The following TMEM132C variants were observed in gnomAD, a reference collection of about 807,000 sequenced individuals.
TMEM132C encodes the protein protein phosphatase 1, regulatory subunit 152.
TMEM132C carries 29 observed loss-of-function variants against 61.4 expected under a neutral mutation model. The ratio of observed to expected loss-of-function variants is 0.47; its 90% confidence interval spans 0.35 to 0.64. The LOEUF (loss-of-function observed/expected upper bound fraction) is 0.64. Ranked by LOEUF, TMEM132C falls within the 30% of genes least tolerant of loss-of-function variation. The pLI is 0.00. For synonymous variants in TMEM132C, 656 were observed against 633.1 expected (o/e 1.04, Z -0.54); for missense variants, 1,408 against 1,476.9 (o/e 0.95, Z 0.76).
Position 128,420,226 on chromosome 12 carries a change from A to C in TMEM132C, c.974+4606A>C, listed in dbSNP as rs142762655. Among the ~76,000 whole-genome samples the C allele has an allele frequency of 4.8e-3, 731 of 152,230 alleles. 13 individuals carry two copies. The highest frequency in any genetic ancestry group is 0.038 in the Admixed American group (585 of 15,266). On this transcript the variant is annotated intron_variant, in intron 2 of 8. Coordinates refer to ENST00000435159, the MANE Select transcript of TMEM132C (RefSeq NM_001136103.3). ...AATGAAATAATATAATTACCAAGTA[A>C]ATACAATGGATAGTAATAAGTGGCT...
intron 3 of TMEM132C, among the ~76,000 whole-genome samples, chr12:128,605,109 TAAATG>T (rs1876374509): frequency 6.7e-6 from 1 of 149,984 alleles, no homozygotes. Context: ...AATAGACAGA[TAAATG>T]ATAGATAGAT....
At chr12:128,523,986 C>T (rs1593085356) in intron 2 of TMEM132C, among the ~76,000 whole-genome samples, 1 of 148,932 alleles carries the variant, frequency 6.7e-6, no homozygotes, top group Non-Finnish European at 1.5e-5. Context: ...GCACTCCAGC[C>T]TGGGCAACAG....
intron 2 of TMEM132C, among the ~76,000 whole-genome samples, chr12:128,444,293 G>A (rs573081497): frequency 9.2e-5 from 14 of 152,248 alleles, no homozygotes; most frequent in African/African-American, 2.6e-4. Context: ...TCTTTGCACC[G>A]TGGATTTGTG....
chr12:128,464,867 A>C (rs1283625466), intron 2 of TMEM132C, among the ~76,000 whole-genome samples: 1 of 152,174 alleles, frequency 6.6e-6, no homozygotes, highest in Admixed American at 6.5e-5. Flanking sequence ...CAGACCTGCA[A>C]GGCTGTGTGA....
chr12:128,523,608 GC>G (rs1329022249), intron 2 of TMEM132C, among the ~76,000 whole-genome samples: 2 of 152,062 alleles, frequency 1.3e-5, no homozygotes, highest in Non-Finnish European at 2.9e-5. Context: ...GTCACCAGCA[GC>G]ATAGACTCAC....
rs531159378 is a variant in TMEM132C, at chr12:128,379,970, C to T, written c.86-34762C>T. Among the ~76,000 whole-genome samples, 10 of 152,296 alleles carry T rather than the reference C, an allele frequency of 6.6e-5. No individual in the cohort carries two copies. The South Asian group carries it at 1.7e-3, about 25-fold the overall frequency. On this transcript the variant is annotated intron_variant, in intron 1 of 8. Coordinates refer to ENST00000435159, the MANE Select transcript of TMEM132C (RefSeq NM_001136103.3). ...TATGGGTGGAGATAGAGACACTAGC[C>T]GATCAAGCACTTGTCACAGTTCTGC...
At chr12:128,312,963 A>G (rs1297811544) in intron 1 of TMEM132C, among the ~76,000 whole-genome samples, 2 of 152,200 alleles carry the variant, frequency 1.3e-5, no homozygotes, top group Non-Finnish European at 2.9e-5. Context: ...GGGACTACCT[A>G]GGCTGCAGGG....
In TMEM132C at chr12:128,705,493, G is replaced by T. The variant is rs1346669785; in HGVS notation, c.2525G>T (p.Gly842Val). The T allele has an allele frequency of 1.3e-6, 2 of 1,551,054 alleles. No individual in the cohort carries two copies. The highest frequency in any genetic ancestry group is 2.0e-5 in the Admixed American group (1 of 51,000). Residue 842 changes from glycine to valine, a missense_variant, in exon 9 of 9, where the codon GGC becomes GTC. By Grantham distance (109) the Gly-to-Val change is moderately radical. Coordinates refer to ENST00000435159, the MANE Select transcript of TMEM132C (RefSeq NM_001136103.3). ...ERTGQDGHLY[G>V]SSPVEREEGA... ...ACAGGCCAAGATGGGCACCTCTATG[G>T]CAGCTCTCCCGTGGAGCGTGAGGAA...
chr12:128,666,535 A>G (rs1954476531), intron 4 of TMEM132C, among the ~76,000 whole-genome samples: 1 of 152,200 alleles, frequency 6.6e-6, no homozygotes, highest in Non-Finnish European at 1.5e-5. Flanking sequence ...ACATAGCCCA[A>G]CCCCTGCTAA....
At chr12:128,310,613 T>C (rs1223882937) in intron 1 of TMEM132C, among the ~76,000 whole-genome samples, 1 of 152,034 alleles carries the variant, frequency 6.6e-6, no homozygotes, top group Non-Finnish European at 1.5e-5. Flanking sequence ...ACCAAGGAGA[T>C]GAACAAGCCA....
At chr12:128,532,495 C>T (rs1050306801) in intron 2 of TMEM132C, among the ~76,000 whole-genome samples, 4 of 151,420 alleles carry the variant, frequency 2.6e-5, no homozygotes, top group Non-Finnish European at 4.4e-5. Flanking sequence ...AAAAATTAGC[C>T]GGGCGTGGTG....
chr12:128,388,552 G>A (rs1463237391), intron 1 of TMEM132C, among the ~76,000 whole-genome samples: 1 of 152,230 alleles, frequency 6.6e-6, no homozygotes, highest in African/African-American at 2.4e-5. Flanking sequence ...GTTTGAGACT[G>A]CTTCCCTGGA....
At chr12:128,381,858 G>A (rs1052633632) in intron 1 of TMEM132C, among the ~76,000 whole-genome samples, 7 of 152,170 alleles carry the variant, frequency 4.6e-5, no homozygotes, top group Non-Finnish European at 8.8e-5. Flanking sequence ...AATGAAAAGC[G>A]GTGGGCAGTC....
chr12:128,653,764 A>T (rs1018658077), intron 4 of TMEM132C, among the ~76,000 whole-genome samples: 4 of 152,192 alleles, frequency 2.6e-5, no homozygotes, highest in Non-Finnish European at 5.9e-5. Context: ...GCTCAAAATC[A>T]TGGTGAGGTG....
At chr12:128,703,715 G>A (rs147993669) in intron 8 of TMEM132C, among the ~76,000 whole-genome samples, 1 of 152,322 alleles carries the variant, frequency 6.6e-6, no homozygotes, top group African/African-American at 2.4e-5. Flanking sequence ...ATTGTGAATA[G>A]TGCTGCGATG....
intron 2 of TMEM132C, among the ~76,000 whole-genome samples, chr12:128,426,237 C>T (rs1869179354): frequency 6.6e-6 from 1 of 152,234 alleles, no homozygotes; most frequent in African/African-American, 2.4e-5. Flanking sequence ...AGTCTGCATG[C>T]ATGCCGTTAT....
chr12:128,312,413 C>G (rs1872002814), intron 1 of TMEM132C, among the ~76,000 whole-genome samples: 2 of 152,128 alleles, frequency 1.3e-5, no homozygotes, highest in African/African-American at 4.8e-5. Flanking sequence ...TCAGGTGATC[C>G]TCCCACCTCA....
chr12:128,291,162 G>GAATGGT (rs1871234918), intron 1 of TMEM132C, among the ~76,000 whole-genome samples: 1 of 152,210 alleles, frequency 6.6e-6, no homozygotes, highest in Non-Finnish European at 1.5e-5. Context: ...GTCTGAGCCA[G>GAATGGT]CTGCAAGGCG....
At chr12:128,389,239 C>G (rs1167167717) in intron 1 of TMEM132C, among the ~76,000 whole-genome samples, 2 of 152,208 alleles carry the variant, frequency 1.3e-5, no homozygotes, top group South Asian at 4.1e-4. Context: ...GATAAAGTCC[C>G]TCTTTCCTGG....
Sources: allele counts gnomAD v4.1 joint callset (sites outside exome capture counted in the v4.1 genomes callset), GRCh38; gene constraint gnomAD v4.1.1; transcripts MANE v1.5; gene names NCBI Gene and HGNC (gene_info 2026-07-23, HGNC 2026-07-21).